Variants in PAPSS2 observed in about 807,000 individuals in gnomAD.
The protein encoded by PAPSS2 is 3'-phosphoadenosine 5'-phosphosulfate synthase 2.
A neutral mutation model predicts 66.5 loss-of-function variants in PAPSS2; 61 were observed. The ratio of observed to expected loss-of-function variants is 0.92; its 90% CI spans 0.75 to 1.14. The LOEUF (loss-of-function observed/expected upper bound fraction) is 1.14. Ranked by LOEUF, PAPSS2 falls within the 50% of genes most tolerant of loss-of-function variation. The pLI is 0.00. For synonymous variants in PAPSS2, 289 were observed against 287.5 expected, an observed-to-expected ratio of 1.01 and a Z score of -0.05; for missense variants, 708 against 789.6, an observed-to-expected ratio of 0.90 and a Z score of 1.24.
intron 9 of PAPSS2, among the ~76,000 whole-genome samples, chr10:87,728,000 A>T (rs1226372780): frequency 6.6e-6 from 1 of 152,204 alleles, no homozygotes; most frequent in Non-Finnish European, 1.5e-5. Flanking sequence ...AAAAATCAGC[A>T]CAGATAGTGG....
At chr10:87,697,432 G>C (rs759491871) in intron 1 of PAPSS2, among the ~76,000 whole-genome samples, 20 of 152,212 alleles carry the variant, frequency 1.3e-4, no homozygotes, top group Non-Finnish European at 2.9e-4. Flanking sequence ...GCCAGACACA[G>C]ACCCCTGACC....
intron 1 of PAPSS2, among the ~76,000 whole-genome samples, chr10:87,681,396 A>C (rs575346318): frequency 6.6e-6 from 1 of 152,288 alleles, no homozygotes; most frequent in East Asian, 1.9e-4. Context: ...GTCAAAATAC[A>C]CTGTCATGTA....
intron 8 of PAPSS2, among the ~76,000 whole-genome samples, chr10:87,726,984 G>C (rs1165311834): frequency 2.6e-5 from 4 of 152,148 alleles, no homozygotes; most frequent in Non-Finnish European, 5.9e-5. Flanking sequence ...TCAGGACTTA[G>C]ATATGAAAAG....
chr10:87,735,165 G>A (rs193050637), intron 9 of PAPSS2, among the ~76,000 whole-genome samples: 1 of 152,090 alleles, frequency 6.6e-6, no homozygotes. Flanking sequence ...AGCTTGGAAG[G>A]GGGTGGGGAC....
chr10:87,713,844 T>C lies in PAPSS2; in HGVS notation c.382-200T>C, dbSNP rs548078563. Among the ~76,000 whole-genome samples, 307 of 152,274 alleles carry C rather than the reference T, an allele frequency of 2.0e-3. 8 individuals are homozygous for C. In the South Asian group the frequency reaches 0.058, roughly 29 times the overall value. On this transcript the variant is annotated intron_variant, in intron 3 of 12. Coordinates refer to ENST00000456849, the MANE Select transcript of PAPSS2 (RefSeq NM_001015880.2). ...AGTGCTTTCCTGCTAAGAGGGCCTA[T>C]TTTCCATGATTTTCTGTGAAAGTCC...
intron 1 of PAPSS2, among the ~76,000 whole-genome samples, chr10:87,699,812 TAAAA>T (rs11378998): frequency 2.2e-5 from 3 of 135,674 alleles, no homozygotes; most frequent in Non-Finnish European, 1.6e-5. Flanking sequence ...ATCATGCCAC[TAAAA>T]AAAAAAAAAA....
At chr10:87,721,408 ACTT>A (rs940575702) in intron 7 of PAPSS2, among the ~76,000 whole-genome samples, 1 of 151,982 alleles carries the variant, frequency 6.6e-6, no homozygotes, top group Non-Finnish European at 1.5e-5. Context: ...GCAAGAGAAA[ACTT>A]CTTGGTGAAG....
intron 9 of PAPSS2, among the ~76,000 whole-genome samples, chr10:87,734,789 C>G (rs1853777275): frequency 6.7e-6 from 1 of 148,318 alleles, no homozygotes. Context: ...CCTTATCTTG[C>G]TGAATCCACC....
chr10:87,710,353 GGACA>G (rs994287456), intron 2 of PAPSS2, among the ~76,000 whole-genome samples: 3 of 152,118 alleles, frequency 2.0e-5, no homozygotes, highest in Non-Finnish European at 4.4e-5. Flanking sequence ...TCCAGTGCAA[GGACA>G]GACAGTGAGC....
chr10:87,742,310 C>A (rs1853879940), intron 10 of PAPSS2, among the ~76,000 whole-genome samples: 1 of 152,106 alleles, frequency 6.6e-6, no homozygotes. Flanking sequence ...ATTCTAAAAT[C>A]CCTAACCTAC....
chr10:87,660,108 G>C, intron 1 of PAPSS2, 100 bp downstream of exon 1: 1 of 1,240,566 alleles, frequency 8.1e-7, no homozygotes, highest in Non-Finnish European at 1.2e-6. Context: ...CTCCCCGGGA[G>C]GGGGCGTCGG....
rs746628742 is a variant in PAPSS2 at position 87,741,248 on chromosome 10, G to A, written c.1100G>A (p.Ser367Asn). The A allele has an allele frequency of 3.7e-6, 6 of 1,613,746 alleles. No individual in the cohort carries two copies. The highest frequency in any genetic ancestry group is 5.1e-6 in the Non-Finnish European group (6 of 1,179,744). The change falls in exon 10 of 13, where the codon AGT (serine) becomes AAT (asparagine). Residue 367 changes from serine to asparagine, a missense_variant. Physicochemically the swap from Ser to Asn is conservative, Grantham distance 46. Transcript: ENST00000456849. ...KHPHIKMVME[S>N]GDWLVGGDLQ... ...TGTTCTTTCTAGATGGTGATGGAAA[G>A]TGGGGACTGGCTGGTTGGTGGAGAC...
chr10:87,707,819 G>A (rs757686657), intron 1 of PAPSS2, among the ~76,000 whole-genome samples: 14 of 151,878 alleles, frequency 9.2e-5, no homozygotes, highest in East Asian at 5.8e-4. Context: ...CAATCCTCCC[G>A]CCTTGACCTC....
At position 87,745,023 on chromosome 10, in the gene PAPSS2, C is replaced by T. The variant is rs200630383; in HGVS notation, c.1513C>T (p.Arg505Trp). The T allele has an allele frequency of 1.0e-4, 161 of 1,613,928 alleles. No individual in the cohort carries two copies. The highest frequency in any genetic ancestry group is 3.3e-4 in the Middle Eastern group (2 of 6,078). The change falls in exon 12 of 13, where the codon CGG becomes TGG. Residue 505 changes from arginine to tryptophan, a missense_variant. Arg to Trp is a moderately radical substitution (Grantham distance 101, BLOSUM62 -3). Transcript: ENST00000456849. ...PTEVQWHCRS[R>W]MIAGANFYIV... ...CTAGGTCCAGTGGCACTGCAGGTCC[C>T]GGATGATTGCGGGTGCCAATTTCTA...
At chr10:87,714,224 G>A (rs1480421335) in intron 4 of PAPSS2, 42 bp downstream of exon 4, 1 of 1,600,722 alleles carries the variant, frequency 6.2e-7, no homozygotes, top group East Asian at 2.2e-5. Flanking sequence ...TACATAGGCT[G>A]TCAGTCCTCA....
intron 9 of PAPSS2, 99 bp from the exon 10 acceptor site, chr10:87,741,136 C>CT: frequency 7.9e-7 from 1 of 1,258,198 alleles, no homozygotes; most frequent in Non-Finnish European, 1.2e-6. Flanking sequence ...GAAGGCAGTT[C>CT]TTTAACTGTA....
intron 11 of PAPSS2, 45 bp downstream of exon 11, chr10:87,743,686 C>G (rs746878806): frequency 6.2e-7 from 1 of 1,609,110 alleles, no homozygotes; most frequent in Admixed American, 1.7e-5. Flanking sequence ...GGAATTCAGA[C>G]TCAGACTTTA....
chr10:87,706,595 A>C (rs1401704751), intron 1 of PAPSS2, among the ~76,000 whole-genome samples: 2 of 141,688 alleles, frequency 1.4e-5, no homozygotes, highest in Non-Finnish European at 3.1e-5. Flanking sequence ...TATCTGTACA[A>C]AAAAAAAAAA....
chr10:87,678,535 A>G (rs1346830222), intron 1 of PAPSS2, among the ~76,000 whole-genome samples: 2 of 152,180 alleles, frequency 1.3e-5, no homozygotes, highest in Admixed American at 6.5e-5. Context: ...AAAATATTGC[A>G]TACTATCTTC....
Sources: allele counts gnomAD v4.1 joint callset (sites outside exome capture counted in the v4.1 genomes callset), GRCh38; gene constraint gnomAD v4.1.1; transcripts MANE v1.5; gene names NCBI Gene and HGNC (gene_info 2026-07-23, HGNC 2026-07-21).